The following WDR72 variants were observed in gnomAD, a reference collection of about 807,000 sequenced individuals.
The protein encoded by WDR72 is WD repeat-containing protein 72.
A neutral mutation model predicts 124.2 loss-of-function variants in WDR72; 120 were observed. That is an observed-to-expected ratio of 0.97 (90% CI 0.83 to 1.12). WDR72 has a LOEUF of 1.12. Among genes scored for constraint, WDR72 ranks in the 50% most tolerant of loss-of-function variants. WDR72 has a pLI of 0.00. For synonymous variants in WDR72, 452 were observed against 441.7 expected (o/e 1.02, Z -0.29); for missense variants, 1,387 against 1,278.8 (o/e 1.08, Z -1.29).
Position 53,517,732 on chromosome 15 carries a change from C to T in WDR72, c.3276G>A (p.Trp1092Ter), listed in dbSNP as rs1206157811. 6.2e-7 allele frequency: 1 copy of T among 1,612,848 alleles called. No homozygotes were observed. The highest frequency in any genetic ancestry group is 1.7e-5 in the Admixed American group (1 of 59,920). Residue 1092 changes from tryptophan (W) to a stop codon, truncating the protein, a stop_gained, in exon 20 of 20, where the codon TGG becomes TGA. Coordinates refer to ENST00000360509, the MANE Select transcript of WDR72 (RefSeq NM_182758.4). LOFTEE classifies it high-confidence loss of function. ...ESPGEPRHHS[W>*]IAKVCPCKVS ...CCTTGCAGGGGCAGACCTTTGCTATCCATGAATGATGCCTTGGCTCACCTA... is the reference window on the plus strand; with the variant it reads ...CCTTGCAGGGGCAGACCTTTGCTATTCATGAATGATGCCTTGGCTCACCTA...
intron 3 of WDR72, among the ~76,000 whole-genome samples, chr15:53,720,913 T>A (rs764605919): frequency 1.4e-4 from 22 of 152,156 alleles, no homozygotes; most frequent in Non-Finnish European, 2.9e-4. Context: ...CTGGGTCCCC[T>A]CTGGTCACCA....
At chr15:53,751,066 G>A (rs149303517) in intron 1 of WDR72, among the ~76,000 whole-genome samples, 1 of 152,132 alleles carries the variant, frequency 6.6e-6, no homozygotes, top group Non-Finnish European at 1.5e-5. Flanking sequence ...AAAAAGTTCT[G>A]CTGTGGGTAA....
intron 12 of WDR72, among the ~76,000 whole-genome samples, chr15:53,700,874 G>C (rs907475092): frequency 4.6e-5 from 7 of 152,066 alleles, no homozygotes; most frequent in South Asian, 4.1e-4. Context: ...TGGAGAACCT[G>C]CCCATCCCAC....
At chr15:53,538,996 T>C (rs921200854) in intron 18 of WDR72, among the ~76,000 whole-genome samples, 10 of 151,966 alleles carry the variant, frequency 6.6e-5, no homozygotes, top group African/African-American at 1.9e-4. Context: ...AAAATAGTGA[T>C]AGAAAAATAA....
At chr15:53,687,136 A>G (rs1255090412) in intron 13 of WDR72, among the ~76,000 whole-genome samples, 1 of 148,996 alleles carries the variant, frequency 6.7e-6, no homozygotes, top group African/African-American at 2.5e-5. Context: ...ACACCCTAAC[A>G]TCACAATTAA....
intron 9 of WDR72, among the ~76,000 whole-genome samples, chr15:53,706,968 C>T (rs1299567202): frequency 3.9e-5 from 6 of 152,156 alleles, no homozygotes; most frequent in Non-Finnish European, 8.8e-5. Flanking sequence ...GCATTTAGAG[C>T]ATCCCTAGTC....
intron 18 of WDR72, 110 bp from the exon 19 acceptor site, chr15:53,523,432 A>T: frequency 1.0e-6 from 1 of 990,220 alleles, no homozygotes; most frequent in Non-Finnish European, 1.6e-6. Flanking sequence ...TTCCAGGGAC[A>T]CACTATGTAA....
In WDR72 at chr15:53,688,061, T is replaced by C. The variant is rs1486952648; in HGVS notation, c.1765+11689A>G. ...TAAATTAGGTATTGATGGGACGTAT[T>C]TCAAAATAATAAGAGCTATCTATGA... On this transcript the variant is annotated intron_variant, in intron 13 of 19. Coordinates refer to ENST00000360509, the MANE Select transcript of WDR72 (RefSeq NM_182758.4). Among the ~76,000 whole-genome samples, 10 of 145,958 alleles carry C rather than the reference T, an allele frequency of 6.9e-5. No homozygotes were observed. The East Asian group carries it at 1.5e-3, about 21-fold the overall frequency.
chr15:53,523,335 A>T lies in WDR72; in HGVS notation c.3149-13T>A, dbSNP rs1246914080. 3 of 1,596,968 alleles carry T rather than the reference A, an allele frequency of 1.9e-6. No individual in the cohort carries two copies. Among genetic ancestry groups the T allele is most frequent in the African/African-American group, 1.4e-5 (1 of 73,486 alleles). The stretch of plus-strand genomic sequence containing the variant: ...GGGCTGACTGGAGCTATTAAAAGAG[A>T]GAGAGAGAGAGAGAGAGACAGAAGA... On this transcript the variant is annotated splice_polypyrimidine_tract_variant and intron_variant, in intron 18 of 19. Coordinates refer to ENST00000360509, the MANE Select transcript of WDR72 (RefSeq NM_182758.4).
chr15:53,608,998 G>C (rs999331369), intron 17 of WDR72, among the ~76,000 whole-genome samples: 1 of 151,944 alleles, frequency 6.6e-6, no homozygotes, highest in Non-Finnish European at 1.5e-5. Context: ...AACTAAAAGT[G>C]TATAAATGGA....
At chr15:53,740,202 T>A (rs943530474) in intron 1 of WDR72, among the ~76,000 whole-genome samples, 43 of 152,142 alleles carry the variant, frequency 2.8e-4, no homozygotes, top group Admixed American at 1.0e-3. Flanking sequence ...CTTAATGAAG[T>A]GATACACTTC....
intron 18 of WDR72, among the ~76,000 whole-genome samples, chr15:53,575,006 AACACACACACAC>A (rs3081214): frequency 4.8e-5 from 7 of 147,194 alleles, no homozygotes; most frequent in African/African-American, 1.3e-4. Context: ...AATCAAACAC[AACACACACACAC>A]ACACACACAC....
chr15:53,614,566 G>A (rs7172766), intron 15 of WDR72, among the ~76,000 whole-genome samples: 45,514 of 151,800 alleles, frequency 0.3, 8,253 homozygotes, highest in Middle Eastern at 0.55. Context: ...CGTACCAAAA[G>A]TCCATAAGCT....
chr15:53,592,148 C>A (rs1363479941), intron 18 of WDR72, among the ~76,000 whole-genome samples: 1 of 152,048 alleles, frequency 6.6e-6, no homozygotes, highest in Non-Finnish European at 1.5e-5. Flanking sequence ...CCACACCACA[C>A]TAGAGAGAAA....
chr15:53,678,398 T>G (rs1388981787), intron 13 of WDR72, among the ~76,000 whole-genome samples: 1 of 152,190 alleles, frequency 6.6e-6, no homozygotes, highest in Non-Finnish European at 1.5e-5. Flanking sequence ...ATGGAATGGC[T>G]ACACAGGTTC....
At chr15:53,592,496 T>G (rs2012557214) in intron 18 of WDR72, among the ~76,000 whole-genome samples, 1 of 152,054 alleles carries the variant, frequency 6.6e-6, no homozygotes, top group Admixed American at 6.6e-5. Context: ...GGATTTTTAT[T>G]TTCTTGATGT....
chr15:53,697,505 A>T (rs961272215), intron 13 of WDR72, among the ~76,000 whole-genome samples: 10 of 152,192 alleles, frequency 6.6e-5, no homozygotes, highest in Non-Finnish European at 1.2e-4. Flanking sequence ...ACTGGGTTCC[A>T]ACAACAATGT....
chr15:53,693,658 A>G (rs2016913091), intron 13 of WDR72, among the ~76,000 whole-genome samples: 1 of 152,212 alleles, frequency 6.6e-6, no homozygotes, highest in Non-Finnish European at 1.5e-5. Flanking sequence ...TTTTCCAGCT[A>G]ACTACTACTA....
intron 13 of WDR72, among the ~76,000 whole-genome samples, chr15:53,672,852 G>T (rs1159150687): frequency 6.6e-6 from 1 of 152,188 alleles, no homozygotes; most frequent in Non-Finnish European, 1.5e-5. Context: ...TATTTTGGCT[G>T]GGAGTGGTGG....
Sources: allele counts gnomAD v4.1 joint callset (sites outside exome capture counted in the v4.1 genomes callset), GRCh38; gene constraint gnomAD v4.1.1; transcripts MANE v1.5; gene names NCBI Gene and HGNC (gene_info 2026-07-23, HGNC 2026-07-21).